Variants in ARK2N observed in about 807,000 individuals in gnomAD.
ARK2N encodes the protein protein ARK2N.
chr18:46,256,101 T>G, the ARK2N span, among the ~76,000 whole-genome samples: 1 of 152,230 alleles, frequency 6.6e-6, no homozygotes. Flanking sequence ...CAGGTCAGTG[T>G]GGGTGAATTA....
At chr18:46,255,163 G>A in the ARK2N span, among the ~76,000 whole-genome samples, 7 of 152,156 alleles carry the variant, frequency 4.6e-5, no homozygotes, top group African/African-American at 1.7e-4. Flanking sequence ...ATACATGTAC[G>A]TTAAGGGTAT....
chr18:46,186,935 A>G, the ARK2N span, among the ~76,000 whole-genome samples: 1 of 150,312 alleles, frequency 6.7e-6, no homozygotes, highest in Non-Finnish European at 1.5e-5. Flanking sequence ...GCTCACTGCA[A>G]CCTCTGCCTC....
the ARK2N span, among the ~76,000 whole-genome samples, chr18:46,227,174 A>G: frequency 1.3e-5 from 2 of 152,162 alleles, no homozygotes; most frequent in Admixed American, 1.3e-4. Flanking sequence ...AAAAAGGTTC[A>G]TTTTATTTAA....
chr18:46,244,601 A>ATTTTTTTTTTTTTT, the ARK2N span, among the ~76,000 whole-genome samples: 37 of 93,856 alleles, frequency 3.9e-4, 4 homozygotes, highest in South Asian at 3.5e-3. Context: ...AAGAGTTTAG[A>ATTTTTTTTTTTTTT]TTTTTTTTTT....
chr18:46,186,456 A>C, the ARK2N span, among the ~76,000 whole-genome samples: 1 of 150,200 alleles, frequency 6.7e-6, no homozygotes, highest in African/African-American at 2.5e-5. Flanking sequence ...GGTCTCCCAA[A>C]GTGGTGGGAT....
the ARK2N span, chr18:46,217,082 T>C: frequency 6.5e-6 from 1 of 153,914 alleles, no homozygotes; most frequent in South Asian, 2.0e-4. Flanking sequence ...AGTAGTTTTA[T>C]GTGTTTCCCC....
At chr18:46,182,141 A>G in the ARK2N span, among the ~76,000 whole-genome samples, 2 of 152,318 alleles carry the variant, frequency 1.3e-5, no homozygotes, top group East Asian at 3.9e-4. Flanking sequence ...TTCTTTCTGT[A>G]TTAAGAACAA....
chr18:46,176,774 C>G, the ARK2N span, among the ~76,000 whole-genome samples: 1 of 152,126 alleles, frequency 6.6e-6, no homozygotes, highest in East Asian at 1.9e-4. Flanking sequence ...TGTGCCACCA[C>G]GCCTGGCTAA....
chr18:46,259,885 C>CTGCGTGTGTGTGTGTGTGTGTGTGTG, the ARK2N span, among the ~76,000 whole-genome samples: 1 of 81,596 alleles, frequency 1.2e-5, no homozygotes, highest in African/African-American at 4.6e-5. Flanking sequence ...ATCCTCCCGT[C>CTGCGTGTGTGTGTGTGTGTGTGTGTG]TGTGTGTGTG....
the ARK2N span, among the ~76,000 whole-genome samples, chr18:46,219,549 A>AACCTCCGCCTCCCAGGTTC: frequency 2.6e-5 from 4 of 151,174 alleles, no homozygotes; most frequent in Non-Finnish European, 5.9e-5. Context: ...TGCTCACTGC[A>AACCTCCGCCTCCCAGGTTC]ACCTCCGCCT....
chr18:46,216,093 A>G, the ARK2N span: 2 of 1,614,014 alleles, frequency 1.2e-6, no homozygotes, highest in Non-Finnish European at 1.7e-6. The surrounding 1 kb of genome is among the most constrained non-coding windows in gnomAD (Gnocchi z 4.3). Flanking sequence ...AGTCTCAGTT[A>G]GCATCCACAG....
At chr18:46,173,960 G>T in the ARK2N span, 1 of 152,230 alleles carries the variant, frequency 6.6e-6, no homozygotes, top group Non-Finnish European at 1.5e-5. Flanking sequence ...CGGGCCTCGG[G>T]CGCCAGTCTC....
At chr18:46,248,635 G>A in the ARK2N span, among the ~76,000 whole-genome samples, 2 of 152,128 alleles carry the variant, frequency 1.3e-5, no homozygotes, top group African/African-American at 2.4e-5. Context: ...AGGCTGGAGT[G>A]CAGTGGCACG....
the ARK2N span, among the ~76,000 whole-genome samples, chr18:46,197,287 T>C: frequency 6.6e-6 from 1 of 151,832 alleles, no homozygotes; most frequent in African/African-American, 2.4e-5. Context: ...GAGTCTGGAG[T>C]GCAGTGGTGC....
the ARK2N span, among the ~76,000 whole-genome samples, chr18:46,261,265 G>A: frequency 4.9e-3 from 752 of 152,334 alleles, 10 homozygotes; most frequent in African/African-American, 0.017. Context: ...GATATGGAAA[G>A]CATTGGACCC....
At chr18:46,194,709 C>T in the ARK2N span, among the ~76,000 whole-genome samples, 1 of 150,126 alleles carries the variant, frequency 6.7e-6, no homozygotes, top group African/African-American at 2.4e-5. Flanking sequence ...CTCCTGACCT[C>T]GTGATCCACC....
the ARK2N span, among the ~76,000 whole-genome samples, chr18:46,212,796 A>G: frequency 1.3e-5 from 2 of 152,060 alleles, no homozygotes; most frequent in African/African-American, 4.8e-5. Context: ...TATCCACACA[A>G]CTTATTTCTT....
At chr18:46,265,685 A>G in the ARK2N span, 1 of 152,550 alleles carries the variant, frequency 6.6e-6, no homozygotes, top group Admixed American at 6.5e-5. Context: ...CTCTCTTTTC[A>G]TTGCTGTTTC....
At chr18:46,252,609 A>T in the ARK2N span, among the ~76,000 whole-genome samples, 2 of 152,136 alleles carry the variant, frequency 1.3e-5, no homozygotes, top group African/African-American at 4.8e-5. Context: ...GGTGTTGTGT[A>T]GATTTTTTTT....
Sources: gnomAD v4.1 joint callset for allele counts (sites outside exome capture counted in the v4.1 genomes callset) on GRCh38, gnomAD v4.1.1 for gene constraint, Gnocchi (gnomAD v3.1) non-coding constraint, MANE v1.5 for transcripts, NCBI Gene and HGNC (gene_info 2026-07-23, HGNC 2026-07-21) for gene names.